Variants in RFFL observed in about 807,000 individuals in gnomAD.
RFFL encodes the protein ring finger and FYVE like domain containing E3 ubiquitin protein ligase.
Under a neutral mutation model 40.4 loss-of-function variants are expected in RFFL, and 16 were observed. That is an observed-to-expected ratio of 0.40 (90% CI 0.27 to 0.60). The LOEUF is 0.60. Among genes scored for constraint, RFFL ranks in the 20% least tolerant of loss-of-function variants. The pLI is 0.47. For synonymous variants in RFFL, 154 were observed against 167.9 expected (o/e 0.92, Z 0.64); for missense variants, 367 against 451.7 (o/e 0.81, Z 1.70).
chr17:35,027,904 G>A (rs1382252492), intron 1 of RFFL, among the ~76,000 whole-genome samples: 1 of 151,714 alleles, frequency 6.6e-6, no homozygotes, highest in Non-Finnish European at 1.5e-5. Flanking sequence ...GGGGTGGCAG[G>A]CGCCTGTAAC....
chr17:35,032,955 T>C (rs574287007), intron 1 of RFFL, among the ~76,000 whole-genome samples: 1 of 152,236 alleles, frequency 6.6e-6, no homozygotes, highest in African/African-American at 2.4e-5. Flanking sequence ...GTGTGCTCTT[T>C]GCCTAAGCAG....
chr17:35,080,170 T>C (rs148181180), intron 1 of RFFL, among the ~76,000 whole-genome samples: 110 of 152,328 alleles, frequency 7.2e-4, no homozygotes, highest in Middle Eastern at 3.4e-3. Context: ...GAATAAAGCA[T>C]ATGCTCTGGC....
At position 35,073,467 on chromosome 17, in the gene RFFL, T is replaced by C. The variant is rs558787897; in HGVS notation, c.-9+15638A>G. Among the ~76,000 whole-genome samples the C allele has an allele frequency of 5.3e-5, 8 of 152,284 alleles. No homozygotes were observed. In the East Asian group the frequency reaches 5.8e-4, roughly 11 times the overall value. On this transcript the variant is annotated intron_variant, in intron 1 of 6. Transcript: ENST00000315249. ...TTCTTACCGCAAATAGTTTTTCTTA[T>C]AAAAGAAGAAAGACTGGTGGGAGAG...
Position 35,016,314 on chromosome 17 carries a change from G to A in RFFL, c.886+56C>T, listed in dbSNP as rs2090972706. The A allele has an allele frequency of 6.7e-6, 10 of 1,490,468 alleles. No individual in the cohort carries two copies. The South Asian group carries it at 1.1e-4, about 17-fold the overall frequency. The allele number at this position is 1,490,468 out of a possible 1,614,324, so 92.3% of individuals were successfully genotyped here. A position where few individuals can be genotyped will look rare whatever the true frequency, so the allele number is the denominator to read the frequency against. ...GTCAGGTCAATACCATCATGCTTTG[G>A]AGTGACAGCAAACACTCCTGAGCTC... is the stretch of plus-strand genomic sequence containing the variant. On this transcript the variant is annotated intron_variant, in intron 5 of 6. Transcript: ENST00000394597.
chr17:35,007,845 T>G lies in RFFL; in HGVS notation c.*4123A>C, dbSNP rs2090906392. On this transcript the variant is annotated 3_prime_UTR_variant, in exon 7 of 7. Transcript: ENST00000394597. ...TTCCCGGGTTCACAAGCAATTCTCA[T>G]GCCTCAGCCTCCCAAGTGGCTAAGA... 6.6e-6 allele frequency: 1 copy of G among 152,146 alleles called. No individual in the cohort carries two copies. Among genetic ancestry groups the G allele is most frequent in the Admixed American group, 6.5e-5 (1 of 15,268 alleles). The allele number at this position is 152,146 out of a possible 1,614,324, so 9.4% of individuals were successfully genotyped here.
intron 1 of RFFL, among the ~76,000 whole-genome samples, chr17:35,038,474 AC>A (rs2091140626): frequency 6.6e-6 from 1 of 152,120 alleles, no homozygotes; most frequent in Admixed American, 6.5e-5. Flanking sequence ...AAATACATTC[AC>A]CCAAACAGTA....
In RFFL at chr17:35,010,793, G is replaced by A. The variant is rs2090933067; in HGVS notation, c.*1175C>T. ...CTCCCTGACCTGCCCCCAAAAATCA[G>A]TGGGCTAGGAAAGGGAATGAAAGTA... On this transcript the variant is annotated 3_prime_UTR_variant, in exon 7 of 7. Coordinates refer to ENST00000394597, the MANE Select transcript of RFFL (RefSeq NM_001017368.2). The A allele has an allele frequency of 6.6e-6, 1 of 150,528 alleles. No individual in the cohort carries two copies. The highest frequency in any genetic ancestry group is 6.6e-5 in the Admixed American group (1 of 15,122). 9.3% of individuals were successfully genotyped at this position (150,528 alleles called of 1,614,324 possible). A position where few individuals can be genotyped will look rare whatever the true frequency, so the allele number is the denominator to read the frequency against.
chr17:35,085,897 C>G (rs562170835), intron 1 of RFFL, among the ~76,000 whole-genome samples: 43 of 152,220 alleles, frequency 2.8e-4, no homozygotes, highest in Admixed American at 5.2e-4. Flanking sequence ...ACAGTCTTAA[C>G]GAAGAGAAAG....
At chr17:35,022,852 T>C (rs548559676) in intron 2 of RFFL, among the ~76,000 whole-genome samples, 12 of 152,332 alleles carry the variant, frequency 7.9e-5, no homozygotes, top group African/African-American at 2.9e-4. Flanking sequence ...GTACTCTCGT[T>C]CCTGAAAGCA....
chr17:35,011,030 T>C lies in RFFL; in HGVS notation c.*938A>G, dbSNP rs990538831. The stretch of plus-strand genomic sequence containing the variant: ...AATGAAACCAAATTTAAAACTACCA[T>C]GGATAAGGGAGGGATTTCATTTTCA... On this transcript the variant is annotated 3_prime_UTR_variant, in exon 7 of 7. Transcript: ENST00000394597. The C allele has an allele frequency of 1.3e-5, 2 of 152,126 alleles. No homozygotes were observed. Among genetic ancestry groups the C allele is most frequent in the African/African-American group, 4.8e-5 (2 of 41,414 alleles). 9.4% of individuals were successfully genotyped at this position (152,126 alleles called of 1,614,324 possible).
intron 1 of RFFL, among the ~76,000 whole-genome samples, chr17:35,026,808 C>T (rs2091044166): frequency 2.6e-5 from 4 of 152,122 alleles, no homozygotes; most frequent in South Asian, 2.1e-4. Context: ...TGGGTTCAAG[C>T]GATTCTCCAG....
At chr17:35,072,872 C>T (rs1234220725) in intron 1 of RFFL, among the ~76,000 whole-genome samples, 1 of 151,934 alleles carries the variant, frequency 6.6e-6, no homozygotes, top group Admixed American at 6.6e-5. Flanking sequence ...GGAGAAACTC[C>T]GTCTCTACTC....
chr17:35,056,772 C>A (rs751317392), intron 1 of RFFL, among the ~76,000 whole-genome samples: 1 of 152,206 alleles, frequency 6.6e-6, no homozygotes, highest in Non-Finnish European at 1.5e-5. Flanking sequence ...AGAAGGGAGA[C>A]AAACACTTCC....
chr17:35,013,950 T>C (rs973937759), intron 6 of RFFL, among the ~76,000 whole-genome samples: 1 of 152,162 alleles, frequency 6.6e-6, no homozygotes, highest in South Asian at 2.1e-4. Context: ...AGACATAAAA[T>C]TGCCCATTCT....
At chr17:35,057,166 G>T (rs1282284664) in intron 1 of RFFL, among the ~76,000 whole-genome samples, 2 of 151,766 alleles carry the variant, frequency 1.3e-5, no homozygotes. Flanking sequence ...TGATCCACCT[G>T]CCTCAGCCTC....
In RFFL at chr17:35,011,907, C is replaced by T; in HGVS notation, c.*61G>A. 6.4e-7 allele frequency: 1 copy of T among 1,552,220 alleles called. No individual in the cohort carries two copies. Among genetic ancestry groups the T allele is most frequent in the African/African-American group, 1.4e-5 (1 of 73,976 alleles). ...CTTGCTCCTCTGCAAGCTGGCCAAC[C>T]CTGAGCCCAGACACCCCAGGCTATT... On this transcript the variant is annotated 3_prime_UTR_variant, in exon 7 of 7. Coordinates refer to ENST00000394597, the MANE Select transcript of RFFL (RefSeq NM_001017368.2).
intron 1 of RFFL, among the ~76,000 whole-genome samples, chr17:35,059,070 G>C (rs2091277336): frequency 6.8e-6 from 1 of 147,012 alleles, no homozygotes; most frequent in Non-Finnish European, 1.5e-5. Flanking sequence ...CCAGGTTGGA[G>C]TGCAATGGCA....
intron 1 of RFFL, among the ~76,000 whole-genome samples, chr17:35,044,249 T>C (rs1407083944): frequency 2.0e-5 from 3 of 152,216 alleles, no homozygotes; most frequent in African/African-American, 7.2e-5. Flanking sequence ...TAATTTTTTA[T>C]TTTTATTTTT....
chr17:35,083,766 G>A (rs1213986052), intron 1 of RFFL, among the ~76,000 whole-genome samples: 7 of 148,076 alleles, frequency 4.7e-5, no homozygotes, highest in East Asian at 4.0e-4. Context: ...AGGTGACAGA[G>A]CAAGACTCTG....
Sources: gnomAD v4.1 joint callset for allele counts (sites outside exome capture counted in the v4.1 genomes callset) on GRCh38, gnomAD v4.1.1 for gene constraint, MANE v1.5 for transcripts, NCBI Gene and HGNC (gene_info 2026-07-23, HGNC 2026-07-21) for gene names.